Variants in PBLD observed in about 807,000 individuals in gnomAD.
The protein encoded by PBLD is phenazine biosynthesis-like domain-containing protein.
PBLD carries 26 observed loss-of-function variants against 31.3 expected under a neutral mutation model. The ratio of observed to expected loss-of-function variants is 0.83; its 90% CI spans 0.61 to 1.15. The LOEUF is 1.15. Among genes scored for constraint, PBLD ranks in the 50% most tolerant of loss-of-function variants. PBLD has a pLI of 0.00. For missense variants in PBLD, 307 were observed against 351.7 expected, an observed-to-expected ratio of 0.87 and a Z score of 1.02; for synonymous variants, 114 against 129.0, an observed-to-expected ratio of 0.88 and a Z score of 0.79.
At chr10:68,284,334 T>C in intron 9 of PBLD, 45 bp from the exon 10 acceptor site, 1 of 1,489,298 alleles carries the variant, frequency 6.7e-7, no homozygotes, top group Non-Finnish European at 9.3e-7. Flanking sequence ...TTCACCCTTT[T>C]AAATTAACAA....
In PBLD at chr10:68,284,112, T is replaced by C; in HGVS notation, c.*65A>G. On this transcript the variant is annotated 3_prime_UTR_variant, in exon 10 of 10. Coordinates refer to ENST00000358769, the MANE Select transcript of PBLD (RefSeq NM_022129.4). Reference sequence around the variant, plus strand: ...CGCACATTTGCTAAAGGCAGCCCCTTACATTTCTTTTTAAGCAGAAAATAC... The same window carrying C: ...CGCACATTTGCTAAAGGCAGCCCCTCACATTTCTTTTTAAGCAGAAAATAC... 9 of 1,442,432 alleles carry C rather than the reference T, an allele frequency of 6.2e-6. No individual in the cohort carries two copies. The highest frequency in any genetic ancestry group is 8.7e-6 in the Non-Finnish European group (9 of 1,036,208). 89.4% of individuals were successfully genotyped at this position (1,442,432 alleles called of 1,614,324 possible).
intron 4 of PBLD, among the ~76,000 whole-genome samples, chr10:68,295,430 T>C (rs1378756221): frequency 6.6e-6 from 1 of 151,140 alleles, no homozygotes; most frequent in Non-Finnish European, 1.5e-5. Context: ...GAGTCAGAGG[T>C]TGCAGTGAAC....
intron 1 of PBLD, among the ~76,000 whole-genome samples, chr10:68,308,341 T>C (rs575019562): frequency 6.6e-6 from 1 of 152,328 alleles, no homozygotes; most frequent in East Asian, 1.9e-4. Flanking sequence ...CTGTTAAATG[T>C]AAATTTTCTT....
intron 1 of PBLD, among the ~76,000 whole-genome samples, chr10:68,326,795 T>A (rs1275085604): frequency 3.3e-5 from 5 of 152,210 alleles, no homozygotes; most frequent in African/African-American, 1.2e-4. Context: ...ACGCCTGTAA[T>A]CTCAGCACTT....
chr10:68,299,428 G>C (rs1402844325), intron 2 of PBLD, among the ~76,000 whole-genome samples: 1 of 152,016 alleles, frequency 6.6e-6, no homozygotes, highest in East Asian at 1.9e-4. Flanking sequence ...TCACTTCTCT[G>C]AGTTATCCAA....
chr10:68,296,242 AT>A, intron 4 of PBLD, 23 bp downstream of exon 4: 1 of 1,562,166 alleles, frequency 6.4e-7, no homozygotes, highest in South Asian at 1.2e-5. Flanking sequence ...TAAGTGTTAG[AT>A]TCATTAAAGA....
At position 68,296,279 on chromosome 10, in the gene PBLD, C is replaced by T. The variant is rs745494011; in HGVS notation, c.270G>A (p.Leu90=). The T allele has an allele frequency of 5.0e-6, 8 of 1,612,108 alleles. No homozygotes were observed. The highest frequency in any genetic ancestry group is 5.9e-6 in the Non-Finnish European group (7 of 1,178,806). ...GHATLASAAV[L]FHKIKNMNST... ...AAATCACATTACTTATTTTGTGAAACAGCACAGCTGCAGAAGCCAGGGTGG... is the reference window on the plus strand; with the variant it reads ...AAATCACATTACTTATTTTGTGAAATAGCACAGCTGCAGAAGCCAGGGTGG... The change falls in exon 4 of 10, where the codon CTG becomes CTA. Residue 90 remains leucine (L), a synonymous_variant. Coordinates refer to ENST00000358769, the MANE Select transcript of PBLD (RefSeq NM_022129.4).
intron 1 of PBLD, among the ~76,000 whole-genome samples, chr10:68,318,375 TAAAAAA>T (rs34722771): frequency 1.4e-4 from 7 of 51,282 alleles, no homozygotes; most frequent in Middle Eastern, 0.029. Flanking sequence ...CTGCCTCTAT[TAAAAAA>T]AAAAAAAAAA....
At chr10:68,329,817 T>C (rs941015379) in intron 1 of PBLD, among the ~76,000 whole-genome samples, 10 of 152,210 alleles carry the variant, frequency 6.6e-5, no homozygotes, top group African/African-American at 2.4e-4. Flanking sequence ...CCTTAAGTTA[T>C]AGATAAGTTA....
intron 6 of PBLD, among the ~76,000 whole-genome samples, chr10:68,289,694 T>TAC (rs1187540300): frequency 6.8e-6 from 1 of 146,250 alleles, no homozygotes; most frequent in South Asian, 2.3e-4. Flanking sequence ...CACACACACA[T>TAC]ATCTTGACCC....
At chr10:68,310,264 TAAATC>T (rs971663023) in intron 1 of PBLD, among the ~76,000 whole-genome samples, 2 of 149,878 alleles carry the variant, frequency 1.3e-5, no homozygotes, top group African/African-American at 4.9e-5. Flanking sequence ...AAATAAGTTT[TAAATC>T]AAAATTTGAA....
chr10:68,319,219 T>C (rs927732192), intron 1 of PBLD, among the ~76,000 whole-genome samples: 6 of 148,442 alleles, frequency 4.0e-5, no homozygotes, highest in Non-Finnish European at 8.9e-5. Flanking sequence ...AAATATCAAG[T>C]TACCATAAAA....
intron 1 of PBLD, among the ~76,000 whole-genome samples, chr10:68,327,338 G>A (rs1449672915): frequency 6.6e-6 from 1 of 151,960 alleles, no homozygotes; most frequent in African/African-American, 2.4e-5. Context: ...AAAAACATAG[G>A]TATATGAATA....
intron 1 of PBLD, among the ~76,000 whole-genome samples, chr10:68,319,053 G>GAGAGAGAGAAAGAAAGAA (rs1431193816): frequency 1.0e-5 from 1 of 98,892 alleles, no homozygotes; most frequent in Non-Finnish European, 1.9e-5. Flanking sequence ...AAGAAAGAGA[G>GAGAGAGAGAAAGAAAGAA]AGAAAGAAAG....
chr10:68,318,197 A>G (rs2044762901), intron 1 of PBLD, among the ~76,000 whole-genome samples: 1 of 152,018 alleles, frequency 6.6e-6, no homozygotes, highest in South Asian at 2.1e-4. Flanking sequence ...ACTGCACTCC[A>G]GCCTGGGCAA....
Position 68,296,308 on chromosome 10 carries a change from G to T in PBLD, c.241C>A (p.His81Asn). ...ACAGCTGCAGAAGCCAGGGTGGCAT[G>T]GCCACAGAGTGGGACCTCACTCGCT... ...TPASEVPLCG[H>N]ATLASAAVLF... The change falls in exon 4 of 10, where the codon CAT becomes AAT. Residue 81 changes from histidine (H) to asparagine (N), a missense_variant. His to Asn is a moderately conservative substitution (Grantham distance 68). Coordinates refer to ENST00000358769, the MANE Select transcript of PBLD (RefSeq NM_022129.4). The T allele has an allele frequency of 6.2e-7, 1 of 1,614,086 alleles. No individual in the cohort carries two copies. Among genetic ancestry groups the T allele is most frequent in the Non-Finnish European group, 8.5e-7 (1 of 1,179,954 alleles).
In PBLD at chr10:68,288,975, T is replaced by C. The variant is rs1412206029; in HGVS notation, c.468A>G (p.Pro156=). 6.2e-7 allele frequency: 1 copy of C among 1,614,056 alleles called. No individual in the cohort carries two copies. The highest frequency in any genetic ancestry group is 1.3e-5 in the African/African-American group (1 of 74,920). Reference sequence around the variant, plus strand: ...GGCGGACGAGGAGCTTTTGGGTATCTGGAGAATAACAGATGTCCTGGACCA... The same window carrying C: ...GGCGGACGAGGAGCTTTTGGGTATCCGGAGAATAACAGATGTCCTGGACCA... ...NTLVQDICYS[P]DTQKLLVRLS... is the part of the protein sequence containing the mutation. Residue 156 remains proline (P), a synonymous_variant, in exon 7 of 10, where the codon CCA becomes CCG. Transcript: ENST00000358769.
At chr10:68,284,973 G>T (rs772417633) in intron 9 of PBLD, 537 of 1,047,456 alleles carry the variant, frequency 5.1e-4, no homozygotes, top group Non-Finnish European at 5.9e-4. Context: ...TAGGGGACTT[G>T]GTTCCAAAGT....
chr10:68,332,372 A>G (rs1334305262), intron 1 of PBLD: 1 of 151,974 alleles, frequency 6.6e-6, no homozygotes, highest in Non-Finnish European at 1.5e-5. Context: ...CTCCCCGACC[A>G]TCTCCCACTT....
Sources: allele counts gnomAD v4.1 joint callset (sites outside exome capture counted in the v4.1 genomes callset), GRCh38; gene constraint gnomAD v4.1.1; transcripts MANE v1.5; gene names NCBI Gene and HGNC (gene_info 2026-07-23, HGNC 2026-07-21).